The following NEB variants were observed in gnomAD, a reference collection of about 807,000 sequenced individuals.
NEB encodes the protein nebulin.
Under a neutral mutation model 952.2 loss-of-function variants are expected in NEB, and 512 were observed. The ratio of observed to expected loss-of-function variants is 0.54; its 90% confidence interval spans 0.50 to 0.58. The LOEUF (loss-of-function observed/expected upper bound fraction) is 0.58. Among genes scored for constraint, NEB ranks in the 20% least tolerant of loss-of-function variants. The probability of loss-of-function intolerance (pLI) is 0.00; values close to 1 mark genes in which losing one functional copy is unlikely to be tolerated. For missense variants in NEB, 8,428 were observed against 9,231.1 expected (o/e 0.91, Z 3.56); for synonymous variants, 2,900 against 3,149.8 (o/e 0.92, Z 2.66).
At chr2:151,665,990 A>T in intron 41 of NEB, 100 bp downstream of exon 41, 2 of 1,226,818 alleles carry the variant, frequency 1.6e-6, no homozygotes, top group Non-Finnish European at 2.3e-6. Context: ...GGGAATCCTT[A>T]ATTACAGTGA....
intron 168 of NEB, among the ~76,000 whole-genome samples, chr2:151,500,031 C>T (rs1033286528): frequency 6.6e-6 from 1 of 151,952 alleles, no homozygotes; most frequent in Admixed American, 6.6e-5. Flanking sequence ...CTGTAGTATA[C>T]AAGAAAATAA....
intron 155 of NEB, 144 bp from the exon 156 acceptor site, chr2:151,518,566 A>C (rs2079592022): frequency 1.5e-6 from 1 of 648,840 alleles, no homozygotes; most frequent in African/African-American, 1.8e-5. Context: ...GTTAAGAAAA[A>C]GTTTTAAAAA....
intron 57 of NEB, 72 bp downstream of exon 57, chr2:151,643,746 T>A: frequency 6.4e-7 from 1 of 1,563,020 alleles, no homozygotes; most frequent in Non-Finnish European, 8.7e-7. Flanking sequence ...TCAACTCTGC[T>A]CACTATGGGA....
At chr2:151,687,367 T>G in intron 27 of NEB, 52 bp downstream of exon 27, 1 of 1,475,974 alleles carries the variant, frequency 6.8e-7, no homozygotes, top group Non-Finnish European at 9.5e-7. Flanking sequence ...CCCTTGGGCA[T>G]CGTAACAGGG....
intron 107 of NEB, among the ~76,000 whole-genome samples, chr2:151,572,868 A>T (rs1485784742): frequency 1.3e-5 from 2 of 150,442 alleles, no homozygotes; most frequent in South Asian, 4.2e-4. Context: ...ATATATTTTT[A>T]ACTAAAAAAA....
intron 181 of NEB, among the ~76,000 whole-genome samples, chr2:151,487,778 T>A (rs890688585): frequency 6.6e-6 from 1 of 152,106 alleles, no homozygotes; most frequent in Non-Finnish European, 1.5e-5. Flanking sequence ...TATATATATA[T>A]GTATAAAATA....
At chr2:151,577,457 A>C (rs1291612649) in intron 105 of NEB, among the ~76,000 whole-genome samples, 1 of 152,200 alleles carries the variant, frequency 6.6e-6, no homozygotes, top group Non-Finnish European at 1.5e-5. Context: ...GTGCCTTCTC[A>C]GAAGAACTTT....
intron 52 of NEB, among the ~76,000 whole-genome samples, chr2:151,652,488 G>C (rs911323231): frequency 1.3e-5 from 2 of 152,138 alleles, no homozygotes; most frequent in Non-Finnish European, 2.9e-5. Context: ...GCCTCCCAAA[G>C]TGCTGAGATT....
chr2:151,675,318 TG>T lies in NEB; in HGVS notation c.3847del (p.Gln1283ArgfsTer9). The T allele has an allele frequency of 6.3e-7, 1 of 1,594,928 alleles. No homozygotes were observed. Among genetic ancestry groups the T allele is most frequent in the Admixed American group, 1.7e-5 (1 of 57,694 alleles). On this transcript the variant is annotated frameshift_variant, in exon 35 of 182. Coordinates refer to ENST00000397345, the MANE Select transcript of NEB (RefSeq NM_001164508.2). LOFTEE classifies it high-confidence loss of function. Reference protein sequence around the residue: ...TMSPDLPQFLQAKCNAYNISD... With the variant: ...TMSPDLPQFLXAKCNAYNISD... ...TATATTGTAAGCATTGCACTTGGCC[TG>T]GAGAAACTGAGGAAGATCAGGACTC...
Position 151,514,435 on chromosome 2 carries a change from C to CATG in NEB, c.23017-10_23017-8dup. The CATG allele has an allele frequency of 6.3e-7, 1 of 1,582,102 alleles. No individual in the cohort carries two copies. Among genetic ancestry groups the CATG allele is most frequent in the Non-Finnish European group, 8.7e-7 (1 of 1,151,076 alleles). Reference sequence around the variant, plus strand: ...GATCTTTCCTGTACTCTTTCTATATCATGAAAGAAAAGCAACAACATTGAC... The same window carrying CATG: ...GATCTTTCCTGTACTCTTTCTATATCATGATGAAAGAAAAGCAACAACATTGAC... On this transcript the variant is annotated splice_region_variant and splice_polypyrimidine_tract_variant and intron_variant, in intron 158 of 181. Coordinates refer to ENST00000397345, the MANE Select transcript of NEB (RefSeq NM_001164508.2).
At chr2:151,639,476 GA>G (rs1260261398) in intron 62 of NEB, 92 bp from the exon 63 acceptor site, 25 of 940,390 alleles carry the variant, frequency 2.7e-5, no homozygotes, top group Non-Finnish European at 3.7e-5. Context: ...TAAAAAAAAA[GA>G]AAAGGTTATG....
chr2:151,627,042 T>C lies in NEB; in HGVS notation c.10307A>G (p.Glu3436Gly). ...AGCATTGTTCTTGGCCAGCACCTGCTCTAGAGAGTCAGTCACACTGGTAAA... is the reference window on the plus strand; with the variant it reads ...AGCATTGTTCTTGGCCAGCACCTGCCCTAGAGAGTCAGTCACACTGGTAAA... ...LKFTSVTDSL[E>G]QVLAKNNALN... The change falls in exon 70 of 182, where the codon GAG becomes GGG. Residue 3436 changes from glutamate (E) to glycine (G), a missense_variant. Physicochemically the swap from Glu to Gly is moderately conservative, Grantham distance 98 (BLOSUM62 -2). Coordinates refer to ENST00000397345, the MANE Select transcript of NEB (RefSeq NM_001164508.2). 1 of 1,613,988 alleles carries C rather than the reference T, an allele frequency of 6.2e-7. No individual in the cohort carries two copies. The highest frequency in any genetic ancestry group is 8.5e-7 in the Non-Finnish European group (1 of 1,179,878).
intron 12 of NEB, 60 bp from the exon 13 acceptor site, chr2:151,707,057 A>G: frequency 9.5e-7 from 1 of 1,054,058 alleles, no homozygotes; most frequent in East Asian, 2.6e-5. Context: ...CCCCGTCTCT[A>G]TTATGAATAT....
In NEB at chr2:151,575,734, T is replaced by C; in HGVS notation, c.16974A>G (p.Glu5658=). 1 of 1,610,188 alleles carries C rather than the reference T, an allele frequency of 6.2e-7. No individual in the cohort carries two copies. The highest frequency in any genetic ancestry group is 8.5e-7 in the Non-Finnish European group (1 of 1,176,360). The change falls in exon 107 of 182, where the codon GAA becomes GAG. Residue 5658 remains glutamate (E), a synonymous_variant. Coordinates refer to ENST00000397345, the MANE Select transcript of NEB (RefSeq NM_001164508.2). ...TSIHIMPDTP[E]INLARANALN... ...GAGCATTTGCTCTAGCGAGATTAAT[T>C]TCTGGAGTATCTGGCATTATGTGTA...
chr2:151,629,213 T>G (rs745882588), intron 68 of NEB, among the ~76,000 whole-genome samples: 1 of 152,062 alleles, frequency 6.6e-6, no homozygotes, highest in Non-Finnish European at 1.5e-5. Context: ...TTTGCCATTT[T>G]CTATTTTCTG....
chr2:151,578,862 A>T (rs1328042365), intron 105 of NEB, among the ~76,000 whole-genome samples: 1 of 151,984 alleles, frequency 6.6e-6, no homozygotes. Flanking sequence ...CGGGTGGATC[A>T]CCTGCGGTCA....
chr2:151,625,702 T>G, intron 70 of NEB, 64 bp from the exon 71 acceptor site: 1 of 1,115,532 alleles, frequency 9.0e-7, no homozygotes, highest in East Asian at 2.6e-5. Flanking sequence ...AGTTTTCAAT[T>G]AAGACACCAT....
At position 151,732,419 on chromosome 2, in the gene NEB, T is replaced by A. The variant is rs59681554; in HGVS notation, c.36+702A>T. ...TTTGTAAAATGTGTTAGATGTCCAC[T>A]AATAATTGGAAGGAAAATTTTCAAG... On this transcript the variant is annotated intron_variant, in intron 3 of 181. Transcript: ENST00000397345. Among the ~76,000 whole-genome samples the A allele has an allele frequency of 6.2e-3, 937 of 152,294 alleles. 5 individuals carry two copies. The highest frequency in any genetic ancestry group is 0.021 in the African/African-American group (893 of 41,586).
intron 105 of NEB, among the ~76,000 whole-genome samples, chr2:151,577,296 C>T (rs1217965138): frequency 6.6e-6 from 1 of 152,184 alleles, no homozygotes; most frequent in East Asian, 1.9e-4. Context: ...ATCTGTACTT[C>T]CATTGGCCCT....
Sources: gnomAD v4.1 joint callset for allele counts (sites outside exome capture counted in the v4.1 genomes callset) on GRCh38, gnomAD v4.1.1 for gene constraint, MANE v1.5 for transcripts, NCBI Gene and HGNC (gene_info 2026-07-23, HGNC 2026-07-21) for gene names.